KHDC1: variants seen among roughly 807,000 people sequenced by gnomAD.
The protein encoded by KHDC1 is KH homology domain-containing protein 1.
In KHDC1, 21 loss-of-function variants were observed where a neutral mutation model predicts 24.7. The observed-to-expected ratio is 0.85, with a 90% CI of 0.60 to 1.23. The LOEUF (loss-of-function observed/expected upper bound fraction) is 1.23. Among genes scored for constraint, KHDC1 ranks in the 50% most tolerant of loss-of-function variants. The pLI is 0.00. For missense variants in KHDC1, 274 were observed against 298.5 expected (o/e 0.92, Z 0.61); for synonymous variants, 98 against 111.7 (o/e 0.88, Z 0.77).
intron 2 of KHDC1, among the ~76,000 whole-genome samples, chr6:73,255,008 G>GA (rs964391963): frequency 6.8e-4 from 87 of 128,342 alleles, no homozygotes; most frequent in East Asian, 2.0e-3. Flanking sequence ...GTCTCAAAAA[G>GA]AAAAAAAAAA....
intron 2 of KHDC1, among the ~76,000 whole-genome samples, chr6:73,253,845 T>C (rs1766827301): frequency 6.6e-6 from 1 of 152,188 alleles, no homozygotes; most frequent in African/African-American, 2.4e-5. Context: ...AATTTGAGGC[T>C]GCTGTGAGCT....
chr6:73,272,352 C>T (rs1480001142), intron 2 of KHDC1, among the ~76,000 whole-genome samples: 1 of 145,680 alleles, frequency 6.9e-6, no homozygotes, highest in Non-Finnish European at 1.5e-5. Context: ...AAGCTGGTCT[C>T]GAACTGCTGA....
intron 2 of KHDC1, among the ~76,000 whole-genome samples, chr6:73,271,172 A>T (rs61621240): frequency 5.4e-4 from 82 of 152,150 alleles, no homozygotes; most frequent in African/African-American, 2.0e-3. Context: ...TCTTTTTGAA[A>T]TATATAGACA....
intron 2 of KHDC1, among the ~76,000 whole-genome samples, chr6:73,253,022 T>C (rs192678099): frequency 3.5e-4 from 53 of 152,272 alleles, no homozygotes; most frequent in Admixed American, 6.5e-4. Flanking sequence ...CTACAAGCTC[T>C]ACAAAACACA....
chr6:73,279,798 A>G (rs543209716), intron 2 of KHDC1, among the ~76,000 whole-genome samples: 1 of 151,786 alleles, frequency 6.6e-6, no homozygotes, highest in Non-Finnish European at 1.5e-5. Flanking sequence ...AGGCTGATCA[A>G]CTCCTGAGCT....
At chr6:73,254,740 T>C (rs1455891301) in intron 2 of KHDC1, among the ~76,000 whole-genome samples, 1 of 152,060 alleles carries the variant, frequency 6.6e-6, no homozygotes, top group Non-Finnish European at 1.5e-5. Context: ...CGGTGGCTCA[T>C]GCCTGTAATC....
chr6:73,289,846 A>AT (rs1177454943), intron 2 of KHDC1, among the ~76,000 whole-genome samples: 1 of 151,534 alleles, frequency 6.6e-6, no homozygotes, highest in Non-Finnish European at 1.5e-5. Context: ...CACGCCTGTA[A>AT]TCCCAGCACT....
chr6:73,301,498 T>C (rs574094034), intron 1 of KHDC1: 1 of 152,322 alleles, frequency 6.6e-6, no homozygotes, highest in South Asian at 2.1e-4. Context: ...GTATGCAGTA[T>C]GGAAACACCT....
intron 1 of KHDC1, among the ~76,000 whole-genome samples, chr6:73,308,744 C>T (rs890176538): frequency 2.0e-5 from 3 of 152,210 alleles, no homozygotes; most frequent in African/African-American, 7.2e-5. Context: ...ATCCTCCCAC[C>T]TCGGCCTCCC....
intron 2 of KHDC1, among the ~76,000 whole-genome samples, chr6:73,255,260 C>T (rs1281820365): frequency 6.9e-6 from 1 of 144,976 alleles, no homozygotes; most frequent in African/African-American, 2.6e-5. Context: ...CGCTCTGTCA[C>T]CCAGGCTGGA....
chr6:73,270,039 G>C (rs1476262694), intron 2 of KHDC1: 1 of 152,184 alleles, frequency 6.6e-6, no homozygotes, highest in African/African-American at 2.4e-5. Flanking sequence ...GCCTCCCAAA[G>C]TGCTGGGATT....
chr6:73,278,047 C>G (rs1292139520), intron 2 of KHDC1, among the ~76,000 whole-genome samples: 2 of 122,282 alleles, frequency 1.6e-5, no homozygotes, highest in African/African-American at 6.3e-5. Flanking sequence ...GAGTCTTGCT[C>G]TGTCACCCAG....
chr6:73,305,080 A>T (rs1353673376), intron 1 of KHDC1, among the ~76,000 whole-genome samples: 1 of 151,994 alleles, frequency 6.6e-6, no homozygotes, highest in Admixed American at 6.6e-5. Flanking sequence ...TATACTAAAA[A>T]TACAAAAATT....
intron 2 of KHDC1, chr6:73,291,327 A>C (rs1767646962): frequency 1.4e-5 from 3 of 207,752 alleles, no homozygotes; most frequent in Non-Finnish European, 3.0e-5. Context: ...AATAAACAAC[A>C]GTTTCCAAGA....
At chr6:73,294,840 A>G (rs1355842827) in intron 1 of KHDC1, among the ~76,000 whole-genome samples, 1 of 152,096 alleles carries the variant, frequency 6.6e-6, no homozygotes, top group Non-Finnish European at 1.5e-5. Flanking sequence ...TGTTCTCATG[A>G]TAGTGAGTTC....
intron 2 of KHDC1, among the ~76,000 whole-genome samples, chr6:73,259,995 G>T (rs1766951415): frequency 6.6e-6 from 1 of 152,156 alleles, no homozygotes; most frequent in Non-Finnish European, 1.5e-5. Flanking sequence ...GCATATCTAA[G>T]ATGCCAATTT....
At chr6:73,260,171 A>T (rs910400244) in intron 2 of KHDC1, among the ~76,000 whole-genome samples, 9 of 152,288 alleles carry the variant, frequency 5.9e-5, no homozygotes, top group African/African-American at 2.2e-4. Flanking sequence ...ATACCCATAT[A>T]TCCATATAAA....
chr6:73,247,701 A>G (rs1766692984), intron 2 of KHDC1, among the ~76,000 whole-genome samples: 1 of 152,058 alleles, frequency 6.6e-6, no homozygotes, highest in Non-Finnish European at 1.5e-5. Context: ...TACTAAAAAT[A>G]CAAAAATTAG....
At position 73,254,456 on chromosome 6, in the gene KHDC1, G is replaced by A. The variant is rs563144127; in HGVS notation, c.207-11926C>T. On this transcript the variant is annotated intron_variant, in intron 2 of 4. Transcript: ENST00000370384. ...AGCCTGGGCGACAGAATGAGACTCT[G>A]TCTTAAAATAAAAATAAATAAATAA... 2.4e-3 allele frequency among the ~76,000 whole-genome samples: 336 copies of A among 139,740 alleles called. 4 individuals are homozygous for A. Among genetic ancestry groups the A allele is most frequent in the Non-Finnish European group, 8.7e-4 (57 of 65,688 alleles). 91.7% of individuals were successfully genotyped at this position (139,740 alleles called of 152,430 possible). A position where few individuals can be genotyped will look rare whatever the true frequency, so the allele number is the denominator to read the frequency against.
Sources: allele counts gnomAD v4.1 joint callset (sites outside exome capture counted in the v4.1 genomes callset), GRCh38; gene constraint gnomAD v4.1.1; transcripts MANE v1.5; gene names NCBI Gene and HGNC (gene_info 2026-07-23, HGNC 2026-07-21).